The following ITGB8 variants were observed in gnomAD, a reference collection of about 807,000 sequenced individuals.
ITGB8 encodes integrin subunit beta 8.
Under a neutral mutation model 89.5 loss-of-function variants are expected in ITGB8, and 30 were observed. That is an observed-to-expected ratio of 0.34 (90% CI 0.25 to 0.45). The LOEUF (loss-of-function observed/expected upper bound fraction) is 0.45. Ranked by LOEUF, ITGB8 falls within the 20% of genes least tolerant of loss-of-function variation. ITGB8 has a pLI of 1.00. For missense variants in ITGB8, 836 were observed against 933.3 expected (o/e 0.90, Z 1.36); for synonymous variants, 335 against 320.4 (o/e 1.05, Z -0.49).
intron 1 of ITGB8, among the ~76,000 whole-genome samples, chr7:20,340,522 GT>G (rs1391054375): frequency 6.6e-6 from 1 of 152,188 alleles, no homozygotes; most frequent in Non-Finnish European, 1.5e-5. Flanking sequence ...GTTTTCCATG[GT>G]TTTGGACTCA....
chr7:20,394,027 T>C (rs1786971136), intron 7 of ITGB8, among the ~76,000 whole-genome samples: 1 of 152,196 alleles, frequency 6.6e-6, no homozygotes, highest in Non-Finnish European at 1.5e-5. Context: ...CTCCAAAGTG[T>C]ATAAAGTAGG....
Position 20,404,841 on chromosome 7 carries a change from G to C in ITGB8, c.1901G>C (p.Cys634Ser), listed in dbSNP as rs1456992248. 2 of 1,614,106 alleles carry C rather than the reference G, an allele frequency of 1.2e-6. No individual in the cohort carries two copies. The highest frequency in any genetic ancestry group is 2.2e-5 in the East Asian group (1 of 44,884). Residue 634 changes from cysteine to serine, a missense_variant, in exon 11 of 14, where the codon TGC becomes TCC. Coordinates refer to ENST00000222573, the MANE Select transcript of ITGB8 (RefSeq NM_002214.3). The part of the protein sequence containing the change: ...CEHCPTCYTA[C>S]KENWNCMQCL... ...CACTGCCCCACCTGTTATACAGCCT[G>C]CAAGGAAAACTGGTATGATTTCTTT...
intron 5 of ITGB8, 192 bp downstream of exon 5, chr7:20,381,023 G>C (rs886460717): frequency 2.0e-6 from 1 of 506,150 alleles, no homozygotes; most frequent in African/African-American, 1.9e-5. Flanking sequence ...TTCAGGGAGG[G>C]ATTTAAATAG....
At chr7:20,408,404 A>G (rs937451611) in intron 12 of ITGB8, among the ~76,000 whole-genome samples, 8 of 151,226 alleles carry the variant, frequency 5.3e-5, no homozygotes, top group Non-Finnish European at 1.2e-4. Context: ...AAATAGGCTT[A>G]ATTAAGTCTT....
chr7:20,340,289 TCA>T (rs1353073628), intron 1 of ITGB8, among the ~76,000 whole-genome samples: 1 of 152,206 alleles, frequency 6.6e-6, no homozygotes, highest in African/African-American at 2.4e-5. Context: ...GCCAAAAAAT[TCA>T]CAGTCTCGTG....
intron 1 of ITGB8, among the ~76,000 whole-genome samples, chr7:20,359,960 C>G (rs1335991460): frequency 6.6e-6 from 1 of 152,108 alleles, no homozygotes; most frequent in African/African-American, 2.4e-5. Context: ...TCCTCTAGTC[C>G]TGCAGAACCA....
At position 20,412,320 on chromosome 7, in the gene ITGB8, A is replaced by C. The variant is rs868382530; in HGVS notation, c.*2323A>C. 4.1e-4 allele frequency: 63 copies of C among 152,594 alleles called. No homozygotes were observed. The highest frequency in any genetic ancestry group is 1.4e-3 in the African/African-American group (57 of 41,442). The allele number at this position is 152,594 out of a possible 1,614,324, so 9.5% of individuals were successfully genotyped here. A position where few individuals can be genotyped will look rare whatever the true frequency, so the allele number is the denominator to read the frequency against. On this transcript the variant is annotated 3_prime_UTR_variant, in exon 14 of 14. Transcript: ENST00000222573. ...CTTTGATCACTAAAAATAATGTAAA[A>C]ATTGGGTTTAGTAGCCTAATACACA...
At chr7:20,330,105 G>T (rs1298035602), upstream of ITGB8, among the ~76,000 whole-genome samples, 1 of 152,192 alleles carries the variant, frequency 6.6e-6, no homozygotes, top group Non-Finnish European at 1.5e-5. Context: ...AAAGCCCAGA[G>T]CCACCACCAG....
At chr7:20,394,537 A>G (rs1366085739) in intron 7 of ITGB8, among the ~76,000 whole-genome samples, 2 of 152,240 alleles carry the variant, frequency 1.3e-5, no homozygotes, top group Non-Finnish European at 2.9e-5. Flanking sequence ...CATATGCAGA[A>G]CTTCCCAAGC....
chr7:20,331,406 T>C lies in ITGB8; in HGVS notation c.-401T>C, dbSNP rs1226270954. 2 of 397,048 alleles carry C rather than the reference T, an allele frequency of 5.0e-6. No homozygotes were observed. Among genetic ancestry groups the C allele is most frequent in the East Asian group, 3.6e-5 (1 of 27,794 alleles). 24.6% of individuals were successfully genotyped at this position (397,048 alleles called of 1,614,324 possible). Reference sequence around the variant, plus strand: ...AGCTTCGGGCTTTGTTTGGGTTTGATTGTGTTTGGCTCTTCGCTAAGCTGA... The same window carrying C: ...AGCTTCGGGCTTTGTTTGGGTTTGACTGTGTTTGGCTCTTCGCTAAGCTGA... On this transcript the variant is annotated 5_prime_UTR_variant, in exon 1 of 14. Coordinates refer to ENST00000222573, the MANE Select transcript of ITGB8 (RefSeq NM_002214.3).
intron 12 of ITGB8, among the ~76,000 whole-genome samples, chr7:20,408,277 T>G (rs1393425158): frequency 6.6e-6 from 1 of 151,794 alleles, no homozygotes; most frequent in African/African-American, 2.4e-5. Context: ...TCTCTCTCTG[T>G]GAGACCTGTA....
chr7:20,396,643 G>A (rs933187312), intron 8 of ITGB8, among the ~76,000 whole-genome samples: 2 of 152,114 alleles, frequency 1.3e-5, no homozygotes, highest in African/African-American at 4.8e-5. Flanking sequence ...AATCAAATGT[G>A]TCTACAATTC....
intron 1 of ITGB8, among the ~76,000 whole-genome samples, chr7:20,349,455 C>T (rs1785040206): frequency 6.6e-6 from 1 of 151,756 alleles, no homozygotes; most frequent in Admixed American, 6.6e-5. Context: ...GTATCATTAC[C>T]TACTCCATTC....
intron 12 of ITGB8, among the ~76,000 whole-genome samples, chr7:20,406,768 G>T (rs552616654): frequency 6.6e-6 from 1 of 152,190 alleles, no homozygotes; most frequent in Admixed American, 6.5e-5. Flanking sequence ...TTGTATGAGG[G>T]CTGCTGTCTC....
At chr7:20,380,946 T>C in intron 5 of ITGB8, 115 bp downstream of exon 5, 1 of 796,710 alleles carries the variant, frequency 1.3e-6, no homozygotes, top group Non-Finnish European at 2.0e-6. Flanking sequence ...AGAAAACATA[T>C]CTTACTATCT....
chr7:20,411,537 T>C lies in ITGB8; in HGVS notation c.*1540T>C, dbSNP rs1232819058. 1.3e-5 allele frequency: 2 copies of C among 152,614 alleles called. No homozygotes were observed. Among genetic ancestry groups the C allele is most frequent in the South Asian group, 2.1e-4 (1 of 4,832 alleles). 9.5% of individuals were successfully genotyped at this position (152,614 alleles called of 1,614,324 possible). On this transcript the variant is annotated 3_prime_UTR_variant, in exon 14 of 14. Transcript: ENST00000222573. Reference sequence around the variant, plus strand: ...CTCAGAAAACACTCAAGTGATAAAGTGGCCACATTGGAAAGGAGTTTTTAT... The same window carrying C: ...CTCAGAAAACACTCAAGTGATAAAGCGGCCACATTGGAAAGGAGTTTTTAT...
rs755096778 is a variant in ITGB8 at position 20,409,994 on chromosome 7, C to T, written c.2307C>T (p.Phe769=). The change falls in exon 14 of 14, where the codon TTC becomes TTT. Residue 769 remains phenylalanine, a synonymous_variant. Coordinates refer to ENST00000222573, the MANE Select transcript of ITGB8 (RefSeq NM_002214.3). ...LNAHETFRCN[F] ...CTCATGAAACTTTCAGGTGCAACTT[C>T]TAAAAAAAGATTTTTAAACACTTAA... 1.5e-5 allele frequency: 24 copies of T among 1,604,622 alleles called. No homozygotes were observed. The East Asian group carries it at 5.1e-4, about 34-fold the overall frequency.
intron 6 of ITGB8, among the ~76,000 whole-genome samples, chr7:20,387,080 C>A (rs1233806480): frequency 1.3e-5 from 2 of 152,292 alleles, no homozygotes; most frequent in South Asian, 2.1e-4. Flanking sequence ...GAAAGGCCTC[C>A]AAATCTCTCT....
chr7:20,332,093 A>G (rs1784422098), intron 1 of ITGB8, 160 bp downstream of exon 1: 9 of 1,387,514 alleles, frequency 6.5e-6, no homozygotes, highest in Non-Finnish European at 8.5e-6. Flanking sequence ...CAGATGGCCT[A>G]GAGGCCAGGT....
Sources: gnomAD v4.1 joint callset for allele counts (sites outside exome capture counted in the v4.1 genomes callset) on GRCh38, gnomAD v4.1.1 for gene constraint, MANE v1.5 for transcripts, NCBI Gene and HGNC (gene_info 2026-07-23, HGNC 2026-07-21) for gene names.